GNG7: variants seen among roughly 807,000 people sequenced by gnomAD.
The protein encoded by GNG7 is guanine nucleotide-binding protein G(I)/G(S)/G(O) subunit gamma-7.
Under a neutral mutation model 4.0 loss-of-function variants are expected in GNG7, and 1 was observed. That is an observed-to-expected ratio of 0.25 (90% CI 0.09 to 1.18). The LOEUF is 1.18. Ranked by LOEUF, GNG7 falls within the 50% of genes most tolerant of loss-of-function variation. The pLI is 0.50. For synonymous variants in GNG7, 34 were observed against 36.9 expected (o/e 0.92, Z 0.29); for missense variants, 86 against 91.9 (o/e 0.94, Z 0.26).
At chr19:2,533,116 A>G (rs1321033200) in intron 3 of GNG7, among the ~76,000 whole-genome samples, 3 of 152,066 alleles carry the variant, frequency 2.0e-5, no homozygotes, top group African/African-American at 4.8e-5. Flanking sequence ...CAAAAAAAGA[A>G]TAAACTATTG....
chr19:2,593,305 TAAAA>T (rs562060101), intron 2 of GNG7, among the ~76,000 whole-genome samples: 1 of 150,570 alleles, frequency 6.6e-6, no homozygotes, highest in Non-Finnish European at 1.5e-5. Flanking sequence ...ATTCCTTTTT[TAAAA>T]AAAAAACTTG....
rs936542216 is a variant in GNG7, at chr19:2,553,738, T to C, written c.-38+1411A>G. Among the ~76,000 whole-genome samples the C allele has an allele frequency of 2.7e-5, 4 of 148,902 alleles. 1 individual carries two copies. The highest frequency in any genetic ancestry group is 4.4e-5 in the Non-Finnish European group (3 of 67,442). ...ATATTACATATATGTACATATTACA[T>C]GCAATATATTACATATATGCACATA... On this transcript the variant is annotated intron_variant, in intron 3 of 4. Transcript: ENST00000382159.
At chr19:2,516,779 G>A (rs116438115) in intron 4 of GNG7, among the ~76,000 whole-genome samples, 2,597 of 152,312 alleles carry the variant, frequency 0.017, 60 homozygotes, top group African/African-American at 0.06. Flanking sequence ...TGTTTCTCTT[G>A]CAGCCTGAAC....
chr19:2,655,838 G>GAAA (rs56041767), intron 1 of GNG7, among the ~76,000 whole-genome samples: 7 of 54,750 alleles, frequency 1.3e-4, no homozygotes, highest in East Asian at 5.3e-4. Context: ...GGCTCCGTCT[G>GAAA]AAAAAAAAAA....
intron 1 of GNG7, among the ~76,000 whole-genome samples, chr19:2,646,866 G>C (rs905324358): frequency 2.0e-5 from 3 of 152,098 alleles, no homozygotes; most frequent in Admixed American, 2.0e-4. Context: ...TACATCTTTG[G>C]AGCCTCACGA....
intron 1 of GNG7, among the ~76,000 whole-genome samples, chr19:2,697,931 C>T (rs890425084): frequency 1.3e-5 from 2 of 151,508 alleles, no homozygotes; most frequent in African/African-American, 4.9e-5. Context: ...AAGATGGCGC[C>T]ACTGCACTCC....
chr19:2,655,665 T>G (rs1424782406), intron 1 of GNG7, among the ~76,000 whole-genome samples: 1 of 151,662 alleles, frequency 6.6e-6, no homozygotes, highest in Non-Finnish European at 1.5e-5. Context: ...AGTGAAACTT[T>G]GTCTCTACTA....
At chr19:2,673,531 A>G (rs1983518768) in intron 1 of GNG7, among the ~76,000 whole-genome samples, 1 of 151,896 alleles carries the variant, frequency 6.6e-6, no homozygotes, top group African/African-American at 2.4e-5. Context: ...TGCCTCTATT[A>G]AAAATACAAA....
At chr19:2,536,065 C>T (rs1374512120) in intron 3 of GNG7, among the ~76,000 whole-genome samples, 6 of 151,934 alleles carry the variant, frequency 3.9e-5, no homozygotes, top group East Asian at 1.9e-4. Flanking sequence ...TTGGAGGCTG[C>T]GGTGAGTTGT....
chr19:2,549,621 GC>G (rs1979252283), intron 3 of GNG7, among the ~76,000 whole-genome samples: 1 of 152,068 alleles, frequency 6.6e-6, no homozygotes, highest in Non-Finnish European at 1.5e-5. Context: ...TTTGCACGGG[GC>G]CGGGGCATTG....
intron 1 of GNG7, among the ~76,000 whole-genome samples, chr19:2,679,976 A>G (rs1983689688): frequency 6.6e-6 from 1 of 152,088 alleles, no homozygotes; most frequent in South Asian, 2.1e-4. Flanking sequence ...GTGGAGAAAG[A>G]TGAGAAACCC....
At chr19:2,695,517 G>A (rs1913222946) in intron 1 of GNG7, among the ~76,000 whole-genome samples, 1 of 152,202 alleles carries the variant, frequency 6.6e-6, no homozygotes. Flanking sequence ...GATAGAGGAA[G>A]GAAGGAAGGA....
chr19:2,684,298 G>T (rs1321960386), intron 1 of GNG7, among the ~76,000 whole-genome samples: 1 of 151,800 alleles, frequency 6.6e-6, no homozygotes, highest in Admixed American at 6.6e-5. Flanking sequence ...CACCACGCCC[G>T]GATAATTTTT....
intron 1 of GNG7, among the ~76,000 whole-genome samples, chr19:2,664,897 C>G (rs1983266363): frequency 6.6e-6 from 1 of 152,156 alleles, no homozygotes; most frequent in Non-Finnish European, 1.5e-5. Context: ...GTGACAACGA[C>G]AAATGTCCTC....
chr19:2,545,526 C>T (rs555731585), intron 3 of GNG7, among the ~76,000 whole-genome samples: 39 of 151,790 alleles, frequency 2.6e-4, no homozygotes, highest in Non-Finnish European at 4.7e-4. Flanking sequence ...TAGCGCATGC[C>T]TGTAATCCCA....
At position 2,598,677 on chromosome 19, in the gene GNG7, AAATAATAATAATAATAATAAT is replaced by A. The variant is rs56068932; in HGVS notation, c.-77-43510_-77-43490del. Among the ~76,000 whole-genome samples the A allele has an allele frequency of 2.3e-3, 328 of 141,002 alleles. 3 individuals are homozygous for A. Among genetic ancestry groups the A allele is most frequent in the African/African-American group, 4.8e-3 (182 of 38,308 alleles). 92.5% of individuals were successfully genotyped at this position (141,002 alleles called of 152,430 possible). A position where few individuals can be genotyped will look rare whatever the true frequency, so the allele number is the denominator to read the frequency against. Reference sequence around the variant, plus strand: ...GTCTCAAAAAAAATGAAAAGTAATAAAATAATAATAATAATAATAATAATAATAATAATAATAATAATAATA... The same window carrying A: ...GTCTCAAAAAAAATGAAAAGTAATAAAATAATAATAATAATAATAATAATA... On this transcript the variant is annotated intron_variant, in intron 2 of 4. Coordinates refer to ENST00000382159, the MANE Select transcript of GNG7 (RefSeq NM_052847.3).
At chr19:2,559,917 C>T (rs570779599) in intron 2 of GNG7, among the ~76,000 whole-genome samples, 2 of 152,192 alleles carry the variant, frequency 1.3e-5, no homozygotes, top group South Asian at 2.1e-4. Flanking sequence ...AGTTCCTCCA[C>T]GAGGCCCTGA....
chr19:2,686,728 G>C (rs1414916465), intron 1 of GNG7, among the ~76,000 whole-genome samples: 1 of 151,734 alleles, frequency 6.6e-6, no homozygotes, highest in African/African-American at 2.4e-5. Flanking sequence ...GGGGTCAAAA[G>C]AGACTTTACT....
intron 2 of GNG7, among the ~76,000 whole-genome samples, chr19:2,645,917 G>A (rs952324245): frequency 1.3e-5 from 2 of 152,140 alleles, no homozygotes; most frequent in South Asian, 2.1e-4. Context: ...ACCATGGCAC[G>A]AAGACACCGG....
Sources: allele counts gnomAD v4.1 joint callset (sites outside exome capture counted in the v4.1 genomes callset), GRCh38; gene constraint gnomAD v4.1.1; transcripts MANE v1.5; gene names NCBI Gene and HGNC (gene_info 2026-07-23, HGNC 2026-07-21).